Variants in ACTR8 observed in about 807,000 individuals in gnomAD.
ACTR8 encodes actin related protein 8.
In ACTR8, 70 loss-of-function variants were observed where a neutral mutation model predicts 84.3. The observed-to-expected ratio is 0.83, with a 90% CI of 0.68 to 1.01. The LOEUF is 1.01. Ranked by LOEUF, ACTR8 falls within the 50% of genes least tolerant of loss-of-function variation. The probability of loss-of-function intolerance (pLI) is 0.00; values close to 1 mark genes in which losing one functional copy is unlikely to be tolerated. For missense variants in ACTR8, 672 were observed against 775.4 expected, an observed-to-expected ratio of 0.87 and a Z score of 1.58; for synonymous variants, 268 against 275.2, an observed-to-expected ratio of 0.97 and a Z score of 0.26.
chr3:53,862,956 C>T (rs2107030138), downstream of ACTR8, among the ~76,000 whole-genome samples: 1 of 152,288 alleles, frequency 6.6e-6, no homozygotes, highest in East Asian at 1.9e-4. Context: ...CTCTGCCACC[C>T]CTAAGTCAGC....
At position 53,867,946 on chromosome 3, in the gene ACTR8, A is replaced by T. The variant is rs1362517237; in HGVS notation, c.*773T>A. On this transcript the variant is annotated 3_prime_UTR_variant, in exon 13 of 13. Transcript: ENST00000335754. ...TAACTACATCAGTCACCATATCTGT[A>T]CAACACAAGGACTCTTAAATTATAC... 1 of 152,224 alleles carries T rather than the reference A, an allele frequency of 6.6e-6. No homozygotes were observed. Among genetic ancestry groups the T allele is most frequent in the Non-Finnish European group, 1.5e-5 (1 of 68,044 alleles). The allele number at this position is 152,224 out of a possible 1,614,324, so 9.4% of individuals were successfully genotyped here. A position where few individuals can be genotyped will look rare whatever the true frequency, so the allele number is the denominator to read the frequency against.
chr3:53,873,183 C>CA (rs1170589223), intron 8 of ACTR8, 56 bp from the exon 9 acceptor site: 2 of 1,379,696 alleles, frequency 1.4e-6, no homozygotes, highest in South Asian at 2.5e-5. Context: ...GTAAACTCTT[C>CA]AAATTATGCT....
chr3:53,872,501 G>A lies in ACTR8; in HGVS notation c.1185C>T (p.Pro395=), dbSNP rs374523447. The change falls in exon 10 of 13, where the codon CCC becomes CCT. Residue 395 remains proline, a synonymous_variant. Coordinates refer to ENST00000335754, the MANE Select transcript of ACTR8 (RefSeq NM_022899.5). ...TCTGTCCAACGATTCCAAAAGTTGC[G>A]GGGTAAAACAAAGCCATTGGAGCCT... ...KLQAPMALFY[P]ATFGIVGQKM... is the part of the protein sequence containing the mutation. 1.2e-5 allele frequency: 20 copies of A among 1,608,362 alleles called. No homozygotes were observed. The highest frequency in any genetic ancestry group is 1.4e-5 in the Non-Finnish European group (17 of 1,178,066).
At chr3:53,864,279 G>GT (rs1310730520), downstream of ACTR8, among the ~76,000 whole-genome samples, 1 of 152,234 alleles carries the variant, frequency 6.6e-6, no homozygotes, top group African/African-American at 2.4e-5. Flanking sequence ...GCTCACGCCT[G>GT]TAATCCCAGC....
At chr3:53,859,070 C>T in the ACTR8 span, 1 of 395,430 alleles carries the variant, frequency 2.5e-6, no homozygotes, top group African/African-American at 2.0e-5. Flanking sequence ...GAAAAAAATA[C>T]ACAGTGCAAA....
chr3:53,874,310 C>A lies in ACTR8; in HGVS notation c.966G>T (p.Met322Ile). 3.7e-6 allele frequency: 6 copies of A among 1,614,190 alleles called. No homozygotes were observed. Among genetic ancestry groups the A allele is most frequent in the Non-Finnish European group, 5.1e-6 (6 of 1,180,040 alleles). The stretch of plus-strand genomic sequence containing the variant: ...CTCTGTAAGGGAACCCAGCTCGCTG[C>A]ATTAGCCAGTAAAAACATCTTGACA... ...SDVSRCFYWL[M>I]QRAGFPYREC... Residue 322 changes from methionine (M) to isoleucine (I), a missense_variant, in exon 8 of 13, where the codon ATG (methionine) becomes ATT (isoleucine). Transcript: ENST00000335754.
downstream of ACTR8, chr3:53,865,061 A>C: frequency 6.2e-7 from 1 of 1,614,054 alleles, no homozygotes; most frequent in Non-Finnish European, 8.5e-7. Flanking sequence ...AACTCTCAAG[A>C]CCTCTTCCCC....
chr3:53,865,084 C>A, downstream of ACTR8: 1 of 1,614,102 alleles, frequency 6.2e-7, no homozygotes, highest in Non-Finnish European at 8.5e-7. Flanking sequence ...TGCCTTTAAC[C>A]TTTTCTGCAG....
downstream of ACTR8, chr3:53,864,681 G>C: frequency 8.3e-7 from 1 of 1,205,730 alleles, no homozygotes; most frequent in Non-Finnish European, 1.2e-6. Context: ...TGTCAGGGAT[G>C]GTTTACAGAG....
Position 53,868,625 on chromosome 3 carries a change from T to C in ACTR8, c.*94A>G. 6.6e-7 allele frequency: 1 copy of C among 1,519,622 alleles called. No homozygotes were observed. Among genetic ancestry groups the C allele is most frequent in the Non-Finnish European group, 8.9e-7 (1 of 1,128,918 alleles). 94.1% of individuals were successfully genotyped at this position (1,519,622 alleles called of 1,614,324 possible). On this transcript the variant is annotated 3_prime_UTR_variant, in exon 13 of 13. Transcript: ENST00000335754. ...ATTTACTGTCCATGACACTTAAGCA[T>C]CCAGATCAATAAATTACAATACACA...
downstream of ACTR8, chr3:53,864,718 G>A (rs375841218): frequency 9.3e-5 from 142 of 1,524,852 alleles, no homozygotes; most frequent in South Asian, 1.6e-3. Context: ...GCTGTTCACA[G>A]ATAACAAATG....
In ACTR8 at chr3:53,876,084, G is replaced by A. The variant is rs181812150; in HGVS notation, c.779-4C>T. 383 of 1,582,092 alleles carry A rather than the reference G, an allele frequency of 2.4e-4. 1 individual carries two copies. The South Asian group carries it at 3.8e-3, about 16-fold the overall frequency. On this transcript the variant is annotated splice_polypyrimidine_tract_variant and splice_region_variant and intron_variant, in intron 6 of 12. Transcript: ENST00000335754. Reference sequence around the variant, plus strand: ...GACTCCTGATGGACCACAATCCCTGGGGGGGGAAAAGAAAAGGCAGAGTAG... The same window carrying A: ...GACTCCTGATGGACCACAATCCCTGAGGGGGGAAAAGAAAAGGCAGAGTAG...
At position 53,877,144 on chromosome 3, in the gene ACTR8, C is replaced by T. The variant is rs1389967572; in HGVS notation, c.684+70G>A. On this transcript the variant is annotated intron_variant, in intron 5 of 12. Coordinates refer to ENST00000335754, the MANE Select transcript of ACTR8 (RefSeq NM_022899.5). ...AAGAAGGACACTATATTACAAACAA[C>T]TCGGTAACGTGTACTTTCATTGACC... The T allele has an allele frequency of 6.9e-6, 10 of 1,439,708 alleles. No individual in the cohort carries two copies. In the Admixed American group the frequency reaches 2.1e-4, roughly 30 times the overall value. 89.2% of individuals were successfully genotyped at this position (1,439,708 alleles called of 1,614,324 possible). A position where few individuals can be genotyped will look rare whatever the true frequency, so the allele number is the denominator to read the frequency against.
rs1027137059 is a variant in ACTR8 at position 53,867,770 on chromosome 3, G to A, written c.*949C>T. 2.6e-5 allele frequency: 4 copies of A among 152,338 alleles called. No individual in the cohort carries two copies. Among genetic ancestry groups the A allele is most frequent in the Admixed American group, 2.6e-4 (4 of 15,304 alleles). The allele number at this position is 152,338 out of a possible 1,614,324, so 9.4% of individuals were successfully genotyped here. On this transcript the variant is annotated 3_prime_UTR_variant, in exon 13 of 13. Coordinates refer to ENST00000335754, the MANE Select transcript of ACTR8 (RefSeq NM_022899.5). ...GGCTTCACCAGAGCCTGGACCACCA[G>A]TGGTAATAGCTGCATTATTTAGATT...
In ACTR8 at chr3:53,876,097, A is replaced by G. The variant is rs1022778959; in HGVS notation, c.779-17T>C. The stretch of plus-strand genomic sequence containing the variant: ...CCACAATCCCTGGGGGGGGAAAAGA[A>G]AAGGCAGAGTAGTCATTAGCTGTAG... On this transcript the variant is annotated splice_polypyrimidine_tract_variant and intron_variant, in intron 6 of 12. Coordinates refer to ENST00000335754, the MANE Select transcript of ACTR8 (RefSeq NM_022899.5). 6.2e-7 allele frequency: 1 copy of G among 1,613,138 alleles called. No homozygotes were observed. The highest frequency in any genetic ancestry group is 1.3e-5 in the African/African-American group (1 of 74,786).
At chr3:53,878,285 G>T in intron 3 of ACTR8, 72 bp downstream of exon 3, 1 of 1,148,518 alleles carries the variant, frequency 8.7e-7, no homozygotes, top group Admixed American at 1.8e-5. Context: ...TAGTGGTATA[G>T]GAAGAACATG....
chr3:53,880,337 T>C (rs1320004270), intron 1 of ACTR8, among the ~76,000 whole-genome samples: 1 of 152,212 alleles, frequency 6.6e-6, no homozygotes, highest in East Asian at 1.9e-4. Flanking sequence ...CAAATATTTG[T>C]TTAAATAAAT....
At chr3:53,877,505 T>G in intron 4 of ACTR8, 118 bp from the exon 5 acceptor site, 1 of 1,323,052 alleles carries the variant, frequency 7.6e-7, no homozygotes, top group African/African-American at 1.5e-5. Context: ...GAGAGTGAAG[T>G]AGGAGTCGGT....
rs1699863888 is a variant in ACTR8 at position 53,870,302 on chromosome 3, A to G, written c.1568-157T>C. 8.7e-6 allele frequency: 7 copies of G among 805,616 alleles called. No homozygotes were observed. Among genetic ancestry groups the G allele is most frequent in the Middle Eastern group, 5.3e-4 (2 of 3,776 alleles). The allele number at this position is 805,616 out of a possible 1,614,324, so 49.9% of individuals were successfully genotyped here. A position where few individuals can be genotyped will look rare whatever the true frequency, so the allele number is the denominator to read the frequency against. On this transcript the variant is annotated intron_variant, in intron 11 of 12. Transcript: ENST00000335754. The surrounding 1 kb of genome is among the most constrained non-coding windows in gnomAD (Gnocchi z 4.1). ...TGCAGCCAGGGGAACCCTACGAAAC[A>G]CAAATGTAGGCATGTTGCCACGCCA...
Sources: gnomAD v4.1 joint callset for allele counts (sites outside exome capture counted in the v4.1 genomes callset) on GRCh38, gnomAD v4.1.1 for gene constraint, Gnocchi (gnomAD v3.1) non-coding constraint, MANE v1.5 for transcripts, NCBI Gene and HGNC (gene_info 2026-07-23, HGNC 2026-07-21) for gene names.